Variants in DOCK4 observed in about 807,000 individuals in gnomAD.
DOCK4 encodes dedicator of cytokinesis protein 4.
In DOCK4, 97 loss-of-function variants were observed where a neutral mutation model predicts 268.1. The ratio of observed to expected loss-of-function variants is 0.36; its 90% CI spans 0.31 to 0.43. The LOEUF (loss-of-function observed/expected upper bound fraction) is 0.43, where lower values mean the gene tolerates loss of function less well. Ranked by LOEUF, DOCK4 falls within the 20% of genes least tolerant of loss-of-function variation. The pLI is 1.00. For missense variants in DOCK4, 2,145 were observed against 2,455.7 expected (o/e 0.87, Z 2.67); for synonymous variants, 954 against 887.2 (o/e 1.08, Z -1.34).
intron 28 of DOCK4, among the ~76,000 whole-genome samples, 178 bp downstream of exon 28, chr7:111,811,696 A>G (rs145230005): frequency 2.6e-4 from 39 of 152,268 alleles, no homozygotes; most frequent in Non-Finnish European, 4.4e-4. Context: ...TTTAAGCGCT[A>G]TGATCTCCTT....
intron 1 of DOCK4, among the ~76,000 whole-genome samples, chr7:112,137,121 A>G (rs1380282008): frequency 6.6e-6 from 1 of 152,236 alleles, no homozygotes; most frequent in African/African-American, 2.4e-5. Context: ...ACATATTGCT[A>G]TAGATAATTG....
At chr7:111,880,673 C>T (rs1198895692) in intron 16 of DOCK4, among the ~76,000 whole-genome samples, 2 of 152,090 alleles carry the variant, frequency 1.3e-5, no homozygotes, top group East Asian at 3.9e-4. Flanking sequence ...ACTTTGAATT[C>T]TACTACAGAG....
At chr7:112,018,733 T>C (rs1586653862) in intron 1 of DOCK4, among the ~76,000 whole-genome samples, 1 of 146,968 alleles carries the variant, frequency 6.8e-6, no homozygotes, top group East Asian at 2.2e-4. Flanking sequence ...AAAATCCCTA[T>C]GCTTAGCTAG....
chr7:111,808,315 A>G (rs1800826204), intron 30 of DOCK4: 1 of 154,278 alleles, frequency 6.5e-6, no homozygotes, highest in African/African-American at 2.4e-5. Context: ...TAGCAGATTA[A>G]CAAAATTGGA....
chr7:112,077,340 T>C (rs1470118818), intron 1 of DOCK4, among the ~76,000 whole-genome samples: 1 of 152,126 alleles, frequency 6.6e-6, no homozygotes, highest in African/African-American at 2.4e-5. Context: ...AATAGAATAG[T>C]ATTTACATTA....
chr7:112,034,105 G>A (rs1045955945), intron 1 of DOCK4, among the ~76,000 whole-genome samples: 18 of 152,136 alleles, frequency 1.2e-4, no homozygotes, highest in African/African-American at 3.9e-4. Context: ...TTTGAGGGCA[G>A]GATGGAAGGA....
intron 36 of DOCK4, among the ~76,000 whole-genome samples, chr7:111,777,055 G>A (rs1798489623): frequency 6.6e-6 from 1 of 152,124 alleles, no homozygotes; most frequent in African/African-American, 2.4e-5. Flanking sequence ...CTGGGCTCAA[G>A]CGATCCACCT....
intron 8 of DOCK4, chr7:111,971,480 G>T: frequency 4.7e-6 from 1 of 212,408 alleles, no homozygotes; most frequent in South Asian, 7.1e-5. Context: ...ATGCAGTGAG[G>T]GATCCTCATT....
chr7:111,813,757 C>T (rs938412653), intron 27 of DOCK4, among the ~76,000 whole-genome samples: 6 of 152,160 alleles, frequency 3.9e-5, no homozygotes, highest in African/African-American at 1.4e-4. Flanking sequence ...TTCCCAAAGA[C>T]ACTGGAAAAA....
At chr7:111,982,726 G>A (rs968169084) in intron 7 of DOCK4, among the ~76,000 whole-genome samples, 1 of 152,170 alleles carries the variant, frequency 6.6e-6, no homozygotes, top group Non-Finnish European at 1.5e-5. Flanking sequence ...CATTGACTGG[G>A]TGCTTACTAA....
At chr7:111,737,365 G>C (rs1161777871) in intron 49 of DOCK4, among the ~76,000 whole-genome samples, 1 of 152,028 alleles carries the variant, frequency 6.6e-6, no homozygotes. Context: ...GGCTCAAGCA[G>C]TCCTTCCAAC....
chr7:111,869,448 T>C, intron 21 of DOCK4, 126 bp downstream of exon 21: 1 of 836,894 alleles, frequency 1.2e-6, no homozygotes, highest in Non-Finnish European at 1.9e-6. Context: ...CTGATTAAGA[T>C]CCTTGAATTG....
chr7:112,183,455 T>C (rs1231853496), intron 1 of DOCK4, among the ~76,000 whole-genome samples: 1 of 152,228 alleles, frequency 6.6e-6, no homozygotes, highest in East Asian at 1.9e-4. Flanking sequence ...CTATGTGACC[T>C]TGGCTTTCAT....
At chr7:111,945,313 G>A (rs909349093) in intron 9 of DOCK4, among the ~76,000 whole-genome samples, 2 of 152,154 alleles carry the variant, frequency 1.3e-5, no homozygotes, top group African/African-American at 2.4e-5. Flanking sequence ...AGCCTCCCGA[G>A]TAACTGGGAT....
At chr7:112,183,363 T>C (rs2116716205) in intron 1 of DOCK4, among the ~76,000 whole-genome samples, 1 of 152,286 alleles carries the variant, frequency 6.6e-6, no homozygotes, top group Admixed American at 6.5e-5. Flanking sequence ...CAATAAAACA[T>C]GGAAACTGAA....
chr7:111,789,152 T>C, intron 31 of DOCK4: 1 of 203,882 alleles, frequency 4.9e-6, no homozygotes, highest in Admixed American at 5.2e-5. Context: ...ATTTAAATCT[T>C]TGATGTGTTT....
chr7:111,784,615 C>A (rs939980887), intron 32 of DOCK4: 6 of 379,982 alleles, frequency 1.6e-5, no homozygotes, highest in Admixed American at 1.3e-4. Flanking sequence ...AAGTACTGAA[C>A]CACATCTCTC....
chr7:112,011,025 A>G (rs1052391882), intron 1 of DOCK4, among the ~76,000 whole-genome samples: 1 of 152,152 alleles, frequency 6.6e-6, no homozygotes, highest in African/African-American at 2.4e-5. Context: ...TGGGGTAGAT[A>G]GTCCTCGAAC....
At chr7:112,163,396 T>C (rs184367061) in intron 1 of DOCK4, among the ~76,000 whole-genome samples, 2 of 152,238 alleles carry the variant, frequency 1.3e-5, no homozygotes, top group East Asian at 1.9e-4. Context: ...CCCTGGGCTA[T>C]AAATCTCCTT....
Sources: allele counts gnomAD v4.1 joint callset (sites outside exome capture counted in the v4.1 genomes callset), GRCh38; gene constraint gnomAD v4.1.1; transcripts MANE v1.5; gene names NCBI Gene and HGNC (gene_info 2026-07-23, HGNC 2026-07-21).